ANO6: variants seen among roughly 807,000 people sequenced by gnomAD.
ANO6 encodes anoctamin-6.
Under a neutral mutation model 117.5 loss-of-function variants are expected in ANO6, and 106 were observed. The observed-to-expected ratio is 0.90, with a 90% confidence interval of 0.77 to 1.06. The LOEUF is 1.06. ANO6 is among the 50% of genes least tolerant of loss of function. ANO6 has a pLI of 0.00. For missense variants in ANO6, 955 were observed against 1,121.1 expected, an observed-to-expected ratio of 0.85 and a Z score of 2.12; for synonymous variants, 367 against 385.1, an observed-to-expected ratio of 0.95 and a Z score of 0.55.
At chr12:45,217,326 C>G (rs1947331992) in intron 1 of ANO6, among the ~76,000 whole-genome samples, 4 of 152,082 alleles carry the variant, frequency 2.6e-5, no homozygotes, top group African/African-American at 9.7e-5. Context: ...TCCTGGATGC[C>G]AAATCAATTT....
intron 10 of ANO6, among the ~76,000 whole-genome samples, chr12:45,378,322 T>C (rs1942084025): frequency 6.6e-6 from 1 of 152,178 alleles, no homozygotes; most frequent in Admixed American, 6.5e-5. Flanking sequence ...ACAAACTTTA[T>C]TTCTCATGTT....
intron 1 of ANO6, among the ~76,000 whole-genome samples, chr12:45,237,921 C>G (rs1302317812): frequency 6.6e-6 from 1 of 152,094 alleles, no homozygotes; most frequent in East Asian, 1.9e-4. Flanking sequence ...TTGTAGTTCT[C>G]CTTGAAGAGG....
At chr12:45,343,952 A>T (rs1233362481) in intron 3 of ANO6, among the ~76,000 whole-genome samples, 4 of 152,134 alleles carry the variant, frequency 2.6e-5, no homozygotes, top group Non-Finnish European at 4.4e-5. Context: ...GGAGCCAGGT[A>T]GTCTGGTTGG....
At chr12:45,295,380 C>G (rs1170238903) in intron 1 of ANO6, among the ~76,000 whole-genome samples, 1 of 152,086 alleles carries the variant, frequency 6.6e-6, no homozygotes, top group Non-Finnish European at 1.5e-5. Flanking sequence ...ATGTTGGAAC[C>G]CCTTAGAACA....
intron 8 of ANO6, among the ~76,000 whole-genome samples, chr12:45,358,957 T>C (rs1941483079): frequency 6.6e-6 from 1 of 152,124 alleles, no homozygotes; most frequent in African/African-American, 2.4e-5. Flanking sequence ...CTAATTTTTG[T>C]ATTTTTAGTA....
At chr12:45,395,882 A>G (rs1942597652) in intron 12 of ANO6, among the ~76,000 whole-genome samples, 1 of 152,230 alleles carries the variant, frequency 6.6e-6, no homozygotes, top group African/African-American at 2.4e-5. Flanking sequence ...CACAGCCAAT[A>G]TCATACTGAA....
At chr12:45,395,216 T>C (rs1172824101) in intron 12 of ANO6, among the ~76,000 whole-genome samples, 2 of 152,212 alleles carry the variant, frequency 1.3e-5, no homozygotes, top group Non-Finnish European at 2.9e-5. Flanking sequence ...TAAGCACCTC[T>C]ATGCAAATAA....
intron 2 of ANO6, among the ~76,000 whole-genome samples, chr12:45,328,874 T>G (rs945553008): frequency 6.6e-6 from 1 of 152,190 alleles, no homozygotes; most frequent in African/African-American, 2.4e-5. Context: ...TATGTGAATG[T>G]TTTGATACTT....
chr12:45,239,456 G>T (rs537086628), intron 1 of ANO6, among the ~76,000 whole-genome samples: 1 of 151,028 alleles, frequency 6.6e-6, no homozygotes, highest in Non-Finnish European at 1.5e-5. Flanking sequence ...TCTTGCTAGC[G>T]GTCTATCAAT....
At chr12:45,434,612 A>T (rs1334125003), downstream of ANO6, among the ~76,000 whole-genome samples, 3 of 152,210 alleles carry the variant, frequency 2.0e-5, no homozygotes, top group Admixed American at 6.5e-5. Flanking sequence ...GAATCCAGGG[A>T]AATAAAAGAC....
chr12:45,239,025 G>A (rs1382653209), intron 1 of ANO6, among the ~76,000 whole-genome samples: 4 of 152,200 alleles, frequency 2.6e-5, no homozygotes, highest in Admixed American at 6.5e-5. Context: ...ATATCTGCCA[G>A]GCTTTGGTAT....
At chr12:45,388,326 G>A in intron 11 of ANO6, 23 bp downstream of exon 11, 1 of 1,613,458 alleles carries the variant, frequency 6.2e-7, no homozygotes, top group Non-Finnish European at 8.5e-7. Context: ...GTATTTAGGT[G>A]CAGTTTAATC....
intron 1 of ANO6, among the ~76,000 whole-genome samples, chr12:45,276,686 G>C (rs368827693): frequency 6.6e-6 from 1 of 152,072 alleles, no homozygotes; most frequent in East Asian, 1.9e-4. Flanking sequence ...CTTATATTTA[G>C]TTTTTATTGT....
intron 1 of ANO6, among the ~76,000 whole-genome samples, chr12:45,300,953 G>A (rs188798404): frequency 1.4e-4 from 21 of 152,294 alleles, no homozygotes; most frequent in Non-Finnish European, 5.9e-5. Flanking sequence ...AAACTATAGC[G>A]TCTTACAGAA....
intron 16 of ANO6, among the ~76,000 whole-genome samples, chr12:45,412,324 G>C (rs1309572745): frequency 1.3e-5 from 2 of 152,174 alleles, no homozygotes; most frequent in African/African-American, 4.8e-5. Context: ...GAAGTGATGA[G>C]TGGGCCCTGT....
intron 1 of ANO6, among the ~76,000 whole-genome samples, chr12:45,281,367 C>T (rs1349738377): frequency 6.6e-6 from 1 of 152,072 alleles, no homozygotes; most frequent in African/African-American, 2.4e-5. Flanking sequence ...AAAGGAATAC[C>T]TGTGACTGGG....
intron 19 of ANO6, among the ~76,000 whole-genome samples, chr12:45,428,498 T>C (rs1943558775): frequency 6.6e-6 from 1 of 152,068 alleles, no homozygotes; most frequent in Admixed American, 6.6e-5. Flanking sequence ...TCTGGATCAC[T>C]TGAGCCCAGG....
At chr12:45,327,758 G>A (rs956739444) in intron 2 of ANO6, among the ~76,000 whole-genome samples, 1 of 151,880 alleles carries the variant, frequency 6.6e-6, no homozygotes, top group Non-Finnish European at 1.5e-5. Context: ...CTAGGAGATG[G>A]GATTACATAT....
chr12:45,220,236 T>G (rs1947376468), intron 1 of ANO6, among the ~76,000 whole-genome samples: 1 of 152,182 alleles, frequency 6.6e-6, no homozygotes, highest in Admixed American at 6.5e-5. Flanking sequence ...TGTTTGTGGA[T>G]GGTTGGTTGG....
Sources: gnomAD v4.1 joint callset for allele counts (sites outside exome capture counted in the v4.1 genomes callset) on GRCh38, gnomAD v4.1.1 for gene constraint, MANE v1.5 for transcripts, NCBI Gene and HGNC (gene_info 2026-07-23, HGNC 2026-07-21) for gene names.